Variants in ASTN1 observed in about 807,000 individuals in gnomAD.
ASTN1 encodes the protein astrotactin 1.
In ASTN1, 41 loss-of-function variants were observed where a neutral mutation model predicts 140.7. The ratio of observed to expected loss-of-function variants is 0.29; its 90% CI spans 0.23 to 0.38. The LOEUF is 0.38. Among genes scored for constraint, ASTN1 ranks in the 10% least tolerant of loss-of-function variants. The probability of loss-of-function intolerance (pLI) is 1.00; values close to 1 mark genes in which losing one functional copy is unlikely to be tolerated. For synonymous variants in ASTN1, 640 were observed against 652.2 expected (o/e 0.98, Z 0.29); for missense variants, 1,479 against 1,678.8 (o/e 0.88, Z 2.08).
intron 16 of ASTN1, among the ~76,000 whole-genome samples, chr1:176,919,662 A>G (rs1278893548): frequency 6.6e-6 from 1 of 152,244 alleles, no homozygotes; most frequent in Non-Finnish European, 1.5e-5. Context: ...AAAACAGACC[A>G]AATAAAAATA....
At chr1:177,083,581 C>A (rs1558083191) in intron 1 of ASTN1, among the ~76,000 whole-genome samples, 1 of 152,144 alleles carries the variant, frequency 6.6e-6, no homozygotes, top group Non-Finnish European at 1.5e-5. Context: ...AAAGCTGTGA[C>A]TAAGCATTAG....
chr1:177,163,936 G>A (rs1052549677), intron 1 of ASTN1, among the ~76,000 whole-genome samples: 1 of 152,144 alleles, frequency 6.6e-6, no homozygotes, highest in Non-Finnish European at 1.5e-5. Flanking sequence ...GTGATGACAG[G>A]ATACCTGTTT....
chr1:176,900,723 T>C lies in ASTN1; in HGVS notation c.2672-5893A>G, dbSNP rs528746916. Among the ~76,000 whole-genome samples the C allele has an allele frequency of 3.3e-4, 51 of 152,320 alleles. No individual in the cohort carries two copies. The South Asian group carries it at 0.01, about 31-fold the overall frequency. ...AATAACTGAACTGATTTAGTAAAGG[T>C]GTAGGAAAGGCTAACTAATATAATT... On this transcript the variant is annotated intron_variant, in intron 16 of 22. Transcript: ENST00000361833.
In ASTN1 at chr1:177,127,084, G is replaced by A. The variant is rs192197352; in HGVS notation, c.283+37310C>T. Among the ~76,000 whole-genome samples, 9 of 152,112 alleles carry A rather than the reference G, an allele frequency of 5.9e-5. No individual in the cohort carries two copies. In the East Asian group the frequency reaches 1.7e-3, roughly 29 times the overall value. On this transcript the variant is annotated intron_variant, in intron 1 of 22. Coordinates refer to ENST00000361833, the MANE Select transcript of ASTN1 (RefSeq NM_004319.3). ...GGGTGAGCAATCATTGGAACAGTCAGACAAATCTTATGCAGGTAGGTCACA... is the reference window on the plus strand; with the variant it reads ...GGGTGAGCAATCATTGGAACAGTCAAACAAATCTTATGCAGGTAGGTCACA...
chr1:176,902,745 C>A (rs1669823342), intron 16 of ASTN1, among the ~76,000 whole-genome samples: 1 of 152,170 alleles, frequency 6.6e-6, no homozygotes, highest in Admixed American at 6.5e-5. Flanking sequence ...CAAAAACAGC[C>A]TTTGAAACTT....
intron 21 of ASTN1, among the ~76,000 whole-genome samples, chr1:176,875,889 A>C (rs1246299928): frequency 6.6e-6 from 1 of 152,222 alleles, no homozygotes; most frequent in Non-Finnish European, 1.5e-5. Flanking sequence ...TAAAAACCTT[A>C]GAACAGGGGA....
At chr1:177,084,769 C>A (rs1352064700) in intron 1 of ASTN1, among the ~76,000 whole-genome samples, 1 of 152,058 alleles carries the variant, frequency 6.6e-6, no homozygotes, top group Non-Finnish European at 1.5e-5. Context: ...CATCTCCTTA[C>A]AAAATACTTT....
At chr1:177,069,048 C>T (rs906536226) in intron 1 of ASTN1, among the ~76,000 whole-genome samples, 1 of 151,732 alleles carries the variant, frequency 6.6e-6, no homozygotes, top group African/African-American at 2.4e-5. Context: ...CACAATATCC[C>T]GGCTCAAGCA....
chr1:176,883,027 A>G (rs753260330), intron 19 of ASTN1, 33 bp from the exon 20 acceptor site: 1 of 1,613,012 alleles, frequency 6.2e-7, no homozygotes, highest in Admixed American at 1.7e-5. Flanking sequence ...AAAAAGCATG[A>G]GAAACAATGA....
rs1015930823 is a variant in ASTN1 at position 176,878,633 on chromosome 1, C to G, written c.3363-1996G>C. On this transcript the variant is annotated intron_variant, in intron 20 of 22. Coordinates refer to ENST00000361833, the MANE Select transcript of ASTN1 (RefSeq NM_004319.3). ...TGTATCTGACCAGCCCCGTGTAGAA[C>G]TAGCTCTGTTCCTGGTTCAATCCCA... 1.1e-4 allele frequency among the ~76,000 whole-genome samples: 16 copies of G among 152,136 alleles called. 1 individual carries two copies. Among genetic ancestry groups the G allele is most frequent in the Non-Finnish European group, 2.9e-5 (2 of 68,028 alleles).
chr1:176,897,571 A>G (rs776650828), intron 16 of ASTN1, among the ~76,000 whole-genome samples: 4 of 125,024 alleles, frequency 3.2e-5, no homozygotes, highest in East Asian at 2.1e-4. Context: ...GAGCGGGAGG[A>G]AAAAAAAATG....
At chr1:177,151,503 C>T (rs1683034556) in intron 1 of ASTN1, among the ~76,000 whole-genome samples, 1 of 151,520 alleles carries the variant, frequency 6.6e-6, no homozygotes, top group Non-Finnish European at 1.5e-5. Context: ...AGTGTAAACA[C>T]ACATACTGGT....
chr1:176,954,791 C>T (rs908517358), intron 11 of ASTN1, among the ~76,000 whole-genome samples: 2 of 152,122 alleles, frequency 1.3e-5, no homozygotes, highest in African/African-American at 2.4e-5. Context: ...ACTGGAGGGC[C>T]GTCTGGCTTG....
intron 4 of ASTN1, among the ~76,000 whole-genome samples, chr1:177,030,435 C>T (rs1480777464): frequency 1.3e-5 from 2 of 152,164 alleles, no homozygotes; most frequent in Non-Finnish European, 2.9e-5. Context: ...TTTCAAATGG[C>T]TGCATGGTAA....
intron 1 of ASTN1, among the ~76,000 whole-genome samples, chr1:177,148,157 G>A (rs564167901): frequency 8.5e-5 from 13 of 152,104 alleles, no homozygotes; most frequent in South Asian, 4.1e-4. Flanking sequence ...GGTGGCTCAC[G>A]CCTGTAATCC....
At chr1:177,002,134 C>T (rs1047971764) in intron 8 of ASTN1, among the ~76,000 whole-genome samples, 4 of 152,258 alleles carry the variant, frequency 2.6e-5, no homozygotes, top group African/African-American at 7.2e-5. Context: ...ATTGGCAACT[C>T]TGGTGTTGCC....
At chr1:176,955,319 C>T (rs1311383759) in intron 11 of ASTN1, among the ~76,000 whole-genome samples, 2 of 152,094 alleles carry the variant, frequency 1.3e-5, no homozygotes, top group African/African-American at 2.4e-5. Context: ...AGGACAGCAC[C>T]GATGCTCACT....
At chr1:177,029,207 A>G (rs1676290748) in intron 5 of ASTN1, among the ~76,000 whole-genome samples, 1 of 152,218 alleles carries the variant, frequency 6.6e-6, no homozygotes, top group Non-Finnish European at 1.5e-5. Context: ...TTCCTCAACT[A>G]CACTGCCCCC....
chr1:176,982,641 C>G (rs72718689), intron 8 of ASTN1, among the ~76,000 whole-genome samples: 24,705 of 152,140 alleles, frequency 0.16, 2,096 homozygotes, highest in Admixed American at 0.19. Flanking sequence ...CATACTATCA[C>G]TGGGCACCAG....
Sources: allele counts gnomAD v4.1 joint callset (sites outside exome capture counted in the v4.1 genomes callset), GRCh38; gene constraint gnomAD v4.1.1; transcripts MANE v1.5; gene names NCBI Gene and HGNC (gene_info 2026-07-23, HGNC 2026-07-21).